The following BCKDHB variants were observed in gnomAD, a reference collection of about 807,000 sequenced individuals.
BCKDHB encodes branched chain keto acid dehydrogenase E1 subunit beta, also known as 2-oxoisovalerate dehydrogenase subunit beta, mitochondrial.
Under a neutral mutation model 48.5 loss-of-function variants are expected in BCKDHB, and 41 were observed. That is an observed-to-expected ratio of 0.85 (90% CI 0.66 to 1.10). The LOEUF (loss-of-function observed/expected upper bound fraction) is 1.10, where lower values mean the gene tolerates loss of function less well. Among genes scored for constraint, BCKDHB ranks in the 50% least tolerant of loss-of-function variants. The pLI, the probability that BCKDHB is intolerant of heterozygous loss-of-function variation, is 0.00. For synonymous variants in BCKDHB, 201 were observed against 174.8 expected, an observed-to-expected ratio of 1.15 and a Z score of -1.18; for missense variants, 496 against 494.2, an observed-to-expected ratio of 1.00 and a Z score of -0.03.
chr6:80,111,771 A>G (rs532865212), intron 1 of BCKDHB, among the ~76,000 whole-genome samples: 2 of 152,372 alleles, frequency 1.3e-5, no homozygotes, highest in South Asian at 4.1e-4. Flanking sequence ...GTAAAACCCA[A>G]AGGAGAACAA....
the BCKDHB span, among the ~76,000 whole-genome samples, chr6:80,360,419 A>G: frequency 6.6e-6 from 1 of 152,238 alleles, no homozygotes; most frequent in Non-Finnish European, 1.5e-5. Flanking sequence ...GCACAAGAGT[A>G]GCTCAATGAA....
Position 80,168,931 on chromosome 6 carries a change from A to G in BCKDHB, c.534A>G (p.Gly178=), listed in dbSNP as rs1582275612. 1.2e-6 allele frequency: 2 copies of G among 1,614,134 alleles called. No individual in the cohort carries two copies. The highest frequency in any genetic ancestry group is 1.7e-6 in the Non-Finnish European group (2 of 1,180,002). ...GCTCTGGGGATCTTTTTAACTGTGG[A>G]AGCCTCACTATCCGGTCCCCTTGGG... ...RYRSGDLFNC[G]SLTIRSPWGC... Residue 178 remains glycine (G), a synonymous_variant, in exon 5 of 10, where the codon GGA becomes GGG. Coordinates refer to ENST00000320393, the MANE Select transcript of BCKDHB (RefSeq NM_183050.4).
chr6:80,278,141 T>G (rs1205139869), intron 9 of BCKDHB, among the ~76,000 whole-genome samples: 1 of 152,158 alleles, frequency 6.6e-6, no homozygotes, highest in East Asian at 1.9e-4. Context: ...AGATTAGTAA[T>G]TTGATGAGTA....
At chr6:80,284,471 T>G (rs1483845766) in intron 9 of BCKDHB, among the ~76,000 whole-genome samples, 3 of 76,998 alleles carry the variant, frequency 3.9e-5, no homozygotes, top group Non-Finnish European at 8.5e-5. Context: ...ATCATTTTCT[T>G]TCAAGTTAAC....
chr6:80,432,409 T>G, the BCKDHB span, among the ~76,000 whole-genome samples: 3 of 152,158 alleles, frequency 2.0e-5, no homozygotes, highest in Non-Finnish European at 2.9e-5. Flanking sequence ...AATCTTGTCT[T>G]CTTGCTTTAT....
chr6:80,394,377 A>G, the BCKDHB span, among the ~76,000 whole-genome samples: 711 of 151,770 alleles, frequency 4.7e-3, 9 homozygotes, highest in African/African-American at 0.016. Context: ...ATTAAAATAG[A>G]GTTCTATTCT....
chr6:80,359,744 G>A, the BCKDHB span, among the ~76,000 whole-genome samples: 1 of 152,044 alleles, frequency 6.6e-6, no homozygotes, highest in South Asian at 2.1e-4. Context: ...ACAGGTGCGT[G>A]CCACCACGCC....
chr6:80,282,791 A>G (rs761217484), intron 9 of BCKDHB, among the ~76,000 whole-genome samples: 16 of 152,100 alleles, frequency 1.1e-4, no homozygotes, highest in Non-Finnish European at 7.4e-5. Context: ...CTTCATTTTT[A>G]TGTACATACA....
At chr6:80,165,036 G>A (rs1162195762) in intron 3 of BCKDHB, among the ~76,000 whole-genome samples, 2 of 152,148 alleles carry the variant, frequency 1.3e-5, no homozygotes, top group Non-Finnish European at 2.9e-5. Context: ...ATGTTTTGGG[G>A]TAAGAGAGTT....
the BCKDHB span, among the ~76,000 whole-genome samples, chr6:80,446,530 C>T: frequency 7.2e-5 from 11 of 152,120 alleles, no homozygotes. Context: ...GGAGCACGAA[C>T]TCGGTAATGA....
intron 1 of BCKDHB, among the ~76,000 whole-genome samples, chr6:80,117,355 C>T (rs1257498985): frequency 2.0e-5 from 3 of 152,210 alleles, no homozygotes; most frequent in Non-Finnish European, 4.4e-5. Context: ...TTTGCTTCCT[C>T]CCTACTAATA....
chr6:80,162,480 T>A (rs1290621957), intron 3 of BCKDHB, among the ~76,000 whole-genome samples: 1 of 152,190 alleles, frequency 6.6e-6, no homozygotes, highest in Non-Finnish European at 1.5e-5. Flanking sequence ...TTATTAATTT[T>A]CTCAAAATAA....
intron 8 of BCKDHB, among the ~76,000 whole-genome samples, chr6:80,256,436 A>G (rs1239027134): frequency 6.6e-6 from 1 of 152,212 alleles, no homozygotes; most frequent in Non-Finnish European, 1.5e-5. Flanking sequence ...GTGTATCAAA[A>G]CATATCTAAA....
At chr6:80,361,380 G>T in the BCKDHB span, among the ~76,000 whole-genome samples, 1 of 152,172 alleles carries the variant, frequency 6.6e-6, no homozygotes, top group Non-Finnish European at 1.5e-5. Flanking sequence ...GTGGAGGGCT[G>T]GGAAAAGATG....
chr6:80,244,980 C>T (rs985511079), intron 8 of BCKDHB, among the ~76,000 whole-genome samples: 5 of 152,210 alleles, frequency 3.3e-5, no homozygotes, highest in African/African-American at 1.2e-4. Context: ...AGCATCTACT[C>T]TGGAGCCAGG....
chr6:80,206,541 T>TTGTGTGTGTG (rs35972426), intron 8 of BCKDHB, among the ~76,000 whole-genome samples: 14 of 145,828 alleles, frequency 9.6e-5, no homozygotes, highest in African/African-American at 3.2e-4. Context: ...CCTAGAAAGT[T>TTGTGTGTGTG]TGTGTGTGTG....
At chr6:80,249,920 C>T (rs1222743701) in intron 8 of BCKDHB, among the ~76,000 whole-genome samples, 1 of 152,074 alleles carries the variant, frequency 6.6e-6, no homozygotes, top group Admixed American at 6.6e-5. Flanking sequence ...AAGCACCTGC[C>T]TGTATGTGTG....
chr6:80,203,057 A>G lies in BCKDHB; in HGVS notation c.841-45A>G, dbSNP rs748719925. 1.2e-5 allele frequency: 16 copies of G among 1,367,618 alleles called. No homozygotes were observed. The East Asian group carries it at 3.4e-4, about 29-fold the overall frequency. 84.7% of individuals were successfully genotyped at this position (1,367,618 alleles called of 1,614,324 possible). On this transcript the variant is annotated intron_variant, in intron 7 of 9. Transcript: ENST00000320393. ...CAGCATTCAACTAGTTTTTGAGGCT[A>G]GAACCTTTGTAGTCATTCTCTGCAT...
chr6:80,380,685 C>T, the BCKDHB span, among the ~76,000 whole-genome samples: 129 of 151,920 alleles, frequency 8.5e-4, 1 homozygote, highest in African/African-American at 2.9e-3. Flanking sequence ...AATTATTCCT[C>T]TGACAAAGGA....
Sources: allele counts gnomAD v4.1 joint callset (sites outside exome capture counted in the v4.1 genomes callset), GRCh38; gene constraint gnomAD v4.1.1; transcripts MANE v1.5; gene names NCBI Gene and HGNC (gene_info 2026-07-23, HGNC 2026-07-21).